CCBE1: variants seen among roughly 807,000 people sequenced by gnomAD.
CCBE1 encodes the protein collagen and calcium binding EGF domains 1, also known as collagen and calcium-binding EGF domain-containing protein 1.
In CCBE1, 37 loss-of-function variants were observed where a neutral mutation model predicts 50.0. The observed-to-expected ratio is 0.74, with a 90% CI of 0.57 to 0.97. The LOEUF is 0.97. CCBE1 is among the 50% of genes least tolerant of loss of function. The probability of loss-of-function intolerance (pLI) is 0.00; values close to 1 mark genes in which losing one functional copy is unlikely to be tolerated. For missense variants in CCBE1, 538 were observed against 523.8 expected, an observed-to-expected ratio of 1.03 and a Z score of -0.26; for synonymous variants, 234 against 203.7, an observed-to-expected ratio of 1.15 and a Z score of -1.27.
chr18:59,451,948 T>A (rs116619146), intron 6 of CCBE1, among the ~76,000 whole-genome samples: 21,880 of 151,108 alleles, frequency 0.14, 1,606 homozygotes, highest in African/African-American at 0.17. Flanking sequence ...CCACTTTCCT[T>A]TCATAGTAAT....
chr18:59,656,810 C>T (rs1219317258), intron 2 of CCBE1, among the ~76,000 whole-genome samples: 2 of 152,186 alleles, frequency 1.3e-5, no homozygotes, highest in Non-Finnish European at 1.5e-5. Flanking sequence ...TGACCACAAC[C>T]GTTGGTTACA....
intron 2 of CCBE1, among the ~76,000 whole-genome samples, chr18:59,657,204 C>T (rs1250922909): frequency 1.3e-5 from 2 of 152,200 alleles, no homozygotes; most frequent in East Asian, 3.8e-4. Flanking sequence ...AGAAAAGCAT[C>T]CAGCCAATGA....
chr18:59,549,666 G>C (rs563772419), intron 2 of CCBE1, among the ~76,000 whole-genome samples: 2 of 152,270 alleles, frequency 1.3e-5, no homozygotes, highest in African/African-American at 4.8e-5. Context: ...ATGATGAACA[G>C]GCAGGCCCAG....
chr18:59,607,829 C>T (rs568139919), intron 2 of CCBE1, among the ~76,000 whole-genome samples: 32 of 152,318 alleles, frequency 2.1e-4, no homozygotes, highest in African/African-American at 7.5e-4. Flanking sequence ...AATCCCAGCA[C>T]TTTGGGAGGC....
At chr18:59,661,502 A>G (rs975812240) in intron 2 of CCBE1, among the ~76,000 whole-genome samples, 3 of 152,158 alleles carry the variant, frequency 2.0e-5, no homozygotes, top group Non-Finnish European at 2.9e-5. Context: ...GTCAATCCTC[A>G]TTACTCAGGT....
chr18:59,510,831 CAT>C (rs1415938225), intron 2 of CCBE1, among the ~76,000 whole-genome samples: 1 of 152,208 alleles, frequency 6.6e-6, no homozygotes, highest in Non-Finnish European at 1.5e-5. Flanking sequence ...CATAAAGAAA[CAT>C]AGACTAGTTA....
At chr18:59,641,321 A>T (rs2144646065) in intron 2 of CCBE1, among the ~76,000 whole-genome samples, 1 of 152,282 alleles carries the variant, frequency 6.6e-6, no homozygotes, top group African/African-American at 2.4e-5. Flanking sequence ...GGATGGAGCT[A>T]AAAGCAAACT....
intron 2 of CCBE1, among the ~76,000 whole-genome samples, chr18:59,636,154 A>T (rs1299864179): frequency 7.0e-6 from 1 of 143,038 alleles, no homozygotes; most frequent in Admixed American, 6.7e-5. Flanking sequence ...CTCTGTCTCT[A>T]AAAAAAAATA....
chr18:59,636,941 A>G (rs2053923962), intron 2 of CCBE1, among the ~76,000 whole-genome samples: 1 of 152,238 alleles, frequency 6.6e-6, no homozygotes. Context: ...GCAAATAATT[A>G]GCATTAATCT....
At chr18:59,523,336 G>C (rs1370686895) in intron 2 of CCBE1, among the ~76,000 whole-genome samples, 2 of 151,076 alleles carry the variant, frequency 1.3e-5, no homozygotes, top group Non-Finnish European at 1.5e-5. Flanking sequence ...TGTGTGGGTT[G>C]ATAGGGATAC....
At chr18:59,600,884 G>A (rs1012121287) in intron 2 of CCBE1, among the ~76,000 whole-genome samples, 3 of 152,102 alleles carry the variant, frequency 2.0e-5, no homozygotes, top group African/African-American at 7.2e-5. Context: ...AGGGGTGGCA[G>A]GGAGGAGAGT....
intron 5 of CCBE1, among the ~76,000 whole-genome samples, chr18:59,464,326 G>T (rs1165462371): frequency 6.6e-6 from 1 of 152,180 alleles, no homozygotes; most frequent in Admixed American, 6.5e-5. Context: ...TACTTGGGAG[G>T]CTGAGGCAGG....
At position 59,435,807 on chromosome 18, in the gene CCBE1, G is replaced by T; in HGVS notation, c.*101C>A. On this transcript the variant is annotated 3_prime_UTR_variant, in exon 11 of 11. Transcript: ENST00000439986. ...CGTCAGGAGAAGAGAAGAGAAAAAT[G>T]TATGTTTTCTAGGTCTCCAGTGGTC... The T allele has an allele frequency of 9.7e-7, 1 of 1,025,660 alleles. No individual in the cohort carries two copies. The highest frequency in any genetic ancestry group is 1.5e-6 in the Non-Finnish European group (1 of 645,386). 63.5% of individuals were successfully genotyped at this position (1,025,660 alleles called of 1,614,324 possible).
At chr18:59,527,007 G>A (rs1197798212) in intron 2 of CCBE1, among the ~76,000 whole-genome samples, 1 of 152,206 alleles carries the variant, frequency 6.6e-6, no homozygotes, top group Non-Finnish European at 1.5e-5. Flanking sequence ...GGAGAGTTCT[G>A]TAGCTATCTA....
chr18:59,471,255 T>C (rs645971), intron 3 of CCBE1, among the ~76,000 whole-genome samples: 64,410 of 152,104 alleles, frequency 0.42, 13,875 homozygotes, highest in South Asian at 0.51. Flanking sequence ...CGCTCTCAAC[T>C]CTTCTGATTC....
rs1177587053 is a variant in CCBE1, at chr18:59,528,629, TGACCTTTG to T, written c.213-48399_213-48392del. ...ATCGAGCTTTGATCTTTGAGGCTGC[TGACCTTTG>T]GATGGGGTTCTTGTGGGGACTTTTG... On this transcript the variant is annotated intron_variant, in intron 2 of 10. Transcript: ENST00000439986. 3.3e-5 allele frequency among the ~76,000 whole-genome samples: 5 copies of T among 152,222 alleles called. 1 individual carries two copies. The highest frequency in any genetic ancestry group is 3.3e-4 in the Admixed American group (5 of 15,284).
At chr18:59,603,359 C>G (rs1026109396) in intron 2 of CCBE1, among the ~76,000 whole-genome samples, 2 of 152,154 alleles carry the variant, frequency 1.3e-5, no homozygotes, top group Non-Finnish European at 2.9e-5. Context: ...TCATAAGGTT[C>G]TTGTAAAGTT....
intron 2 of CCBE1, among the ~76,000 whole-genome samples, chr18:59,569,504 G>A (rs1353585141): frequency 6.6e-6 from 1 of 152,128 alleles, no homozygotes; most frequent in Non-Finnish European, 1.5e-5. Flanking sequence ...AAAACAGAAT[G>A]TCAAAGAGGA....
chr18:59,636,134 CAG>C (rs2053913112), intron 2 of CCBE1, among the ~76,000 whole-genome samples: 1 of 151,952 alleles, frequency 6.6e-6, no homozygotes, highest in Non-Finnish European at 1.5e-5. Context: ...GCCTGGGCGA[CAG>C]AGCGAGACTC....
Sources: gnomAD v4.1 joint callset for allele counts (sites outside exome capture counted in the v4.1 genomes callset) on GRCh38, gnomAD v4.1.1 for gene constraint, MANE v1.5 for transcripts, NCBI Gene and HGNC (gene_info 2026-07-23, HGNC 2026-07-21) for gene names.